Variants in CDH12 observed in about 807,000 individuals in gnomAD.
The protein encoded by CDH12 is cadherin-12.
Under a neutral mutation model 74.1 loss-of-function variants are expected in CDH12, and 41 were observed. That is an observed-to-expected ratio of 0.55 (90% confidence interval 0.43 to 0.72). The LOEUF is 0.72. Among genes scored for constraint, CDH12 ranks in the 30% least tolerant of loss-of-function variants. The pLI, the probability that CDH12 is intolerant of heterozygous loss-of-function variation, is 0.00. For missense variants in CDH12, 945 were observed against 977.2 expected, an observed-to-expected ratio of 0.97 and a Z score of 0.44; for synonymous variants, 399 against 355.0, an observed-to-expected ratio of 1.12 and a Z score of -1.39.
At chr5:21,763,426 G>A (rs1041439638) in intron 12 of CDH12, among the ~76,000 whole-genome samples, 73 of 152,250 alleles carry the variant, frequency 4.8e-4, no homozygotes, top group African/African-American at 1.7e-3. Context: ...GTTCTACTAA[G>A]TGATGTAAAG....
chr5:21,883,627 G>C lies in CDH12; in HGVS notation c.527-28837C>G, dbSNP rs140175499. ...CAGCCTCATGACTTAGGAAAAGTTG[G>C]AGAGGTCATTGTGACCAAAGACGAT... is the stretch of plus-strand genomic sequence containing the variant. On this transcript the variant is annotated intron_variant, in intron 6 of 14. Coordinates refer to ENST00000382254, the MANE Select transcript of CDH12 (RefSeq NM_004061.5). 130 of 1,611,254 alleles carry C rather than the reference G, an allele frequency of 8.1e-5. No homozygotes were observed. In the Middle Eastern group the frequency reaches 2.2e-3, roughly 27 times the overall value.
intron 1 of CDH12, among the ~76,000 whole-genome samples, chr5:22,626,559 AG>A (rs1738309206): frequency 6.6e-6 from 1 of 152,190 alleles, no homozygotes; most frequent in African/African-American, 2.4e-5. Context: ...CAAACCCCTA[AG>A]GGCATCAAAG....
At chr5:22,159,439 GT>G (rs1484935781) in intron 4 of CDH12, among the ~76,000 whole-genome samples, 1 of 152,026 alleles carries the variant, frequency 6.6e-6, no homozygotes. Flanking sequence ...GTGGCAGCAT[GT>G]TTTTCTGCCA....
At chr5:21,838,683 C>T (rs1749674876) in intron 8 of CDH12, among the ~76,000 whole-genome samples, 1 of 152,168 alleles carries the variant, frequency 6.6e-6, no homozygotes, top group African/African-American at 2.4e-5. Context: ...CCAAGCAGGA[C>T]TACTACTTTA....
intron 1 of CDH12, among the ~76,000 whole-genome samples, chr5:22,665,177 C>A (rs564796272): frequency 6.6e-6 from 1 of 152,178 alleles, no homozygotes; most frequent in Non-Finnish European, 1.5e-5. Context: ...AGTATAGAAT[C>A]GCTAAAAATA....
intron 3 of CDH12, among the ~76,000 whole-genome samples, chr5:22,398,234 C>T (rs1742549474): frequency 6.6e-6 from 1 of 152,080 alleles, no homozygotes; most frequent in South Asian, 2.1e-4. Flanking sequence ...AGGGAAGCAG[C>T]TCTAAGCAGT....
At chr5:21,880,616 CTTCTTTCTTTCTTTCTTTCTTTCTTTCT>C (rs201513323) in intron 6 of CDH12, among the ~76,000 whole-genome samples, 67 of 50,862 alleles carry the variant, frequency 1.3e-3, no homozygotes, top group East Asian at 6.4e-3. Flanking sequence ...TCCTTCCTTC[CTTCTTTCTTTCTTTCTTTCTTTCTTTCT>C]TTCTTTCTTT....
chr5:22,696,829 C>T (rs972684934), intron 1 of CDH12, among the ~76,000 whole-genome samples: 2 of 152,010 alleles, frequency 1.3e-5, no homozygotes, highest in Non-Finnish European at 2.9e-5. Flanking sequence ...GGAATATTCT[C>T]TACAATATTG....
rs145066777 is a variant in CDH12 at position 22,678,050 on chromosome 5, G to T, written c.-522-172686C>A. On this transcript the variant is annotated intron_variant, in intron 1 of 14. Coordinates refer to ENST00000382254, the MANE Select transcript of CDH12 (RefSeq NM_004061.5). Reference sequence around the variant, plus strand: ...ACCTCCTATACCATCCTCATGGGGGGGGGGGTTAGGATTTTAATGTAAAAT... The same window carrying T: ...ACCTCCTATACCATCCTCATGGGGGTGGGGGTTAGGATTTTAATGTAAAAT... Among the ~76,000 whole-genome samples, 287 of 151,422 alleles carry T rather than the reference G, an allele frequency of 1.9e-3. 3 individuals carry two copies. Among genetic ancestry groups the T allele is most frequent in the African/African-American group, 6.7e-3 (278 of 41,330 alleles).
chr5:22,846,449 C>T (rs761486728), intron 1 of CDH12, among the ~76,000 whole-genome samples: 6 of 151,980 alleles, frequency 3.9e-5, no homozygotes, highest in Non-Finnish European at 8.8e-5. Flanking sequence ...TCCTGGGATG[C>T]TCTGATAGAT....
chr5:21,755,693 C>G lies in CDH12; in HGVS notation c.1783G>C (p.Asp595His), dbSNP rs1357405489. 1 of 1,614,114 alleles carries G rather than the reference C, an allele frequency of 6.2e-7. No homozygotes were observed. ...MTIRVCRCDS[D>H]GTILSCNVEA... ...ACATTACAAGACAGGATGGTGCCAT[C>G]AGAGTCACATCTACAGACTCGAATA... Residue 595 changes from aspartate to histidine, a missense_variant, in exon 14 of 15, where the codon GAT becomes CAT. By Grantham distance (81) the Asp-to-His change is moderately conservative. Transcript: ENST00000382254.
rs569183477 is a variant in CDH12, at chr5:22,654,628, T to G, written c.-522-149264A>C. The stretch of plus-strand genomic sequence containing the variant: ...TCTAGATTTTTTGTTTGTTTGCTTG[T>G]TTTTTTTTTGTTGTTGTTGTTGTTT... On this transcript the variant is annotated intron_variant, in intron 1 of 14. Coordinates refer to ENST00000382254, the MANE Select transcript of CDH12 (RefSeq NM_004061.5). 8.4e-4 allele frequency among the ~76,000 whole-genome samples: 63 copies of G among 75,132 alleles called. No individual in the cohort carries two copies. The East Asian group carries it at 0.016, about 19-fold the overall frequency. 49.3% of individuals were successfully genotyped at this position (75,132 alleles called of 152,430 possible).
rs138122924 is a variant in CDH12, at chr5:22,795,539, T to C, written c.-523+57519A>G. 3.7e-3 allele frequency among the ~76,000 whole-genome samples: 562 copies of C among 151,654 alleles called. 6 individuals are homozygous for C. The highest frequency in any genetic ancestry group is 0.013 in the African/African-American group (522 of 41,354). ...ATATACACATATATATACACACTTA[T>C]ATACATACATATAATATATACACAT... On this transcript the variant is annotated intron_variant, in intron 1 of 14. Coordinates refer to ENST00000382254, the MANE Select transcript of CDH12 (RefSeq NM_004061.5).
At chr5:22,760,477 G>A (rs1294886353) in intron 1 of CDH12, among the ~76,000 whole-genome samples, 1 of 151,916 alleles carries the variant, frequency 6.6e-6, no homozygotes, top group Non-Finnish European at 1.5e-5. Context: ...TCAGGAGTTC[G>A]AGACCAGCCT....
At chr5:22,728,126 C>A (rs886324776) in intron 1 of CDH12, among the ~76,000 whole-genome samples, 2 of 151,374 alleles carry the variant, frequency 1.3e-5, no homozygotes, top group South Asian at 2.1e-4. Context: ...ATTTTTTATC[C>A]TTTTATTTCC....
At chr5:22,375,813 AAC>A (rs1491024336) in intron 3 of CDH12, among the ~76,000 whole-genome samples, 2 of 151,078 alleles carry the variant, frequency 1.3e-5, no homozygotes, top group African/African-American at 4.9e-5. Context: ...CAGAAAAAAA[AAC>A]AGATGCTAAC....
At chr5:22,408,590 C>CTA (rs1298130549) in intron 2 of CDH12, among the ~76,000 whole-genome samples, 1 of 149,624 alleles carries the variant, frequency 6.7e-6, no homozygotes, top group African/African-American at 2.4e-5. Flanking sequence ...ATTATATATA[C>CTA]TATATATACA....
chr5:22,753,658 G>A (rs111872339), intron 1 of CDH12, among the ~76,000 whole-genome samples: 1 of 150,472 alleles, frequency 6.6e-6, no homozygotes, highest in Non-Finnish European at 1.5e-5. Flanking sequence ...CATATTGCAG[G>A]GAATAGATTT....
intron 14 of CDH12, among the ~76,000 whole-genome samples, chr5:21,753,636 G>C (rs1744221248): frequency 6.6e-6 from 1 of 151,646 alleles, no homozygotes; most frequent in Admixed American, 6.6e-5. Context: ...TGCTCAAGGA[G>C]GTCAAAGATT....
Sources: gnomAD v4.1 joint callset for allele counts (sites outside exome capture counted in the v4.1 genomes callset) on GRCh38, gnomAD v4.1.1 for gene constraint, MANE v1.5 for transcripts, NCBI Gene and HGNC (gene_info 2026-07-23, HGNC 2026-07-21) for gene names.